The following BCAS1 variants were observed in gnomAD, a reference collection of about 807,000 sequenced individuals.
The protein encoded by BCAS1 is brain enriched myelin associated protein 1.
A neutral mutation model predicts 65.4 loss-of-function variants in BCAS1; 46 were observed. The observed-to-expected ratio is 0.70, with a 90% CI of 0.55 to 0.90. BCAS1 has a LOEUF of 0.90. Among genes scored for constraint, BCAS1 ranks in the 40% least tolerant of loss-of-function variants. BCAS1 has a pLI of 0.00. For missense variants in BCAS1, 793 were observed against 771.2 expected (o/e 1.03, Z -0.33); for synonymous variants, 298 against 293.5 (o/e 1.02, Z -0.16).
At chr20:54,003,348 T>C (rs566373541) in intron 4 of BCAS1, among the ~76,000 whole-genome samples, 1 of 152,336 alleles carries the variant, frequency 6.6e-6, no homozygotes, top group South Asian at 2.1e-4. Flanking sequence ...TTCTTTTTTC[T>C]ATGCCTTTGT....
At chr20:53,981,439 G>C (rs565633370) in intron 8 of BCAS1, among the ~76,000 whole-genome samples, 7 of 152,044 alleles carry the variant, frequency 4.6e-5, no homozygotes, top group African/African-American at 1.7e-4. Flanking sequence ...CTAAACAACC[G>C]TAGCATTTGT....
At chr20:54,049,209 CT>C (rs1168311540) in intron 3 of BCAS1, among the ~76,000 whole-genome samples, 3 of 152,030 alleles carry the variant, frequency 2.0e-5, no homozygotes, top group Non-Finnish European at 4.4e-5. Context: ...CCACTTACAT[CT>C]TTTTTTTAAG....
chr20:53,994,231 A>G (rs2090841899), intron 6 of BCAS1, among the ~76,000 whole-genome samples: 1 of 152,226 alleles, frequency 6.6e-6, no homozygotes, highest in Non-Finnish European at 1.5e-5. Context: ...AGGACCCAAG[A>G]CACTTATCTG....
intron 3 of BCAS1, among the ~76,000 whole-genome samples, chr20:54,057,019 CTGAT>C (rs1396766056): frequency 1.3e-5 from 2 of 152,192 alleles, no homozygotes; most frequent in East Asian, 3.9e-4. Flanking sequence ...AGCTAGCAAT[CTGAT>C]TGCAGAATTC....
At chr20:54,044,382 A>G (rs925542903) in intron 3 of BCAS1, among the ~76,000 whole-genome samples, 1 of 152,226 alleles carries the variant, frequency 6.6e-6, no homozygotes, top group African/African-American at 2.4e-5. Flanking sequence ...GGCAAAGAGA[A>G]AGTTGCATAT....
At chr20:54,025,296 G>A (rs1253979382) in intron 4 of BCAS1, among the ~76,000 whole-genome samples, 1 of 152,124 alleles carries the variant, frequency 6.6e-6, no homozygotes, top group Non-Finnish European at 1.5e-5. Flanking sequence ...TCTTTTAAAT[G>A]CATATCTTAC....
chr20:53,970,673 C>T (rs1027469081), intron 9 of BCAS1, among the ~76,000 whole-genome samples: 1 of 152,152 alleles, frequency 6.6e-6, no homozygotes, highest in African/African-American at 2.4e-5. Flanking sequence ...CTAACATTGA[C>T]AATATACATT....
In BCAS1 at chr20:54,038,045, A is replaced by C. The variant is rs148272991; in HGVS notation, c.143-9073T>G. Among the ~76,000 whole-genome samples the C allele has an allele frequency of 5.5e-3, 835 of 151,436 alleles. 18 individuals are homozygous for C. The highest frequency in any genetic ancestry group is 0.019 in the African/African-American group (805 of 41,462). On this transcript the variant is annotated intron_variant, in intron 3 of 12. Coordinates refer to ENST00000688948, the MANE Select transcript of BCAS1 (RefSeq NM_001366298.2). ...ATCCAAAGAAGGGCCTCACAAAATT[A>C]AAACAAAATCCAAACTCTCTACTAT... is the stretch of plus-strand genomic sequence containing the variant.
chr20:53,973,406 T>C (rs552217396), intron 9 of BCAS1, among the ~76,000 whole-genome samples: 73 of 152,354 alleles, frequency 4.8e-4, no homozygotes, highest in Admixed American at 1.4e-3. Flanking sequence ...TGTGTTATCG[T>C]TTGGTGTCGA....
intron 3 of BCAS1, among the ~76,000 whole-genome samples, chr20:54,054,929 GAC>G (rs2092273781): frequency 6.6e-6 from 1 of 152,052 alleles, no homozygotes. Context: ...ATGTATGTGA[GAC>G]ATACACATAT....
In BCAS1 at chr20:53,981,821, CGTGT is replaced by C. The variant is rs3831644; in HGVS notation, c.1275+3462_1275+3465del. Among the ~76,000 whole-genome samples, 25 of 150,244 alleles carry C rather than the reference CGTGT, an allele frequency of 1.7e-4. 1 individual carries two copies. Among genetic ancestry groups the C allele is most frequent in the Admixed American group, 5.3e-4 (8 of 15,048 alleles). On this transcript the variant is annotated intron_variant, in intron 8 of 12. Coordinates refer to ENST00000688948, the MANE Select transcript of BCAS1 (RefSeq NM_001366298.2). ...TATTAATTACAAATACATGTGCGTG[CGTGT>C]GTGTGTGTGTGTGTGTGTATCATGT...
At position 53,985,434 on chromosome 20, in the gene BCAS1, C is replaced by G. The variant is rs373205871; in HGVS notation, c.1128G>C (p.Gln376His). 6.2e-7 allele frequency: 1 copy of G among 1,613,918 alleles called. No individual in the cohort carries two copies. The highest frequency in any genetic ancestry group is 1.1e-5 in the South Asian group (1 of 91,062). Residue 376 changes from glutamine to histidine, a missense_variant, in exon 8 of 13, where the codon CAG (glutamine) becomes CAC (histidine). Coordinates refer to ENST00000688948, the MANE Select transcript of BCAS1 (RefSeq NM_001366298.2). ...AATTCTTGCCAGCCCCTTGGGTCTC[C>G]TGGGATGTAAAGTTGGCTTTGTCTG... Reference protein sequence around the residue: ...LKSDKANFTSQETQGAGKNSK... With the variant: ...LKSDKANFTSHETQGAGKNSK...
In BCAS1 at chr20:54,042,557, A is replaced by T. The variant is rs541434418; in HGVS notation, c.143-13585T>A. The stretch of plus-strand genomic sequence containing the variant: ...AATGGTGTCGGGAGGTTGAGGAGAC[A>T]ACTTATAAATAGACATGCCTGGGAT... On this transcript the variant is annotated intron_variant, in intron 3 of 12. Transcript: ENST00000688948. 3.2e-4 allele frequency among the ~76,000 whole-genome samples: 49 copies of T among 152,354 alleles called. No homozygotes were observed. The South Asian group carries it at 9.3e-3, about 29-fold the overall frequency.
intron 4 of BCAS1, among the ~76,000 whole-genome samples, chr20:54,008,020 C>G (rs940583177): frequency 2.6e-5 from 4 of 152,198 alleles, no homozygotes; most frequent in Admixed American, 6.5e-5. Context: ...GACATACTCA[C>G]AAATCCTTTC....
chr20:53,999,639 T>C (rs1204994405), intron 4 of BCAS1, among the ~76,000 whole-genome samples: 4 of 152,168 alleles, frequency 2.6e-5, no homozygotes, highest in African/African-American at 9.6e-5. Flanking sequence ...ACATGTCAAG[T>C]AGGCTGTTGC....
At chr20:54,018,047 T>A (rs1655087470) in intron 4 of BCAS1, among the ~76,000 whole-genome samples, 1 of 152,188 alleles carries the variant, frequency 6.6e-6, no homozygotes, top group South Asian at 2.1e-4. Context: ...GCTGCCAGAA[T>A]TAGGTTGCAG....
At chr20:54,031,827 C>T (rs1227552577) in intron 3 of BCAS1, among the ~76,000 whole-genome samples, 2 of 151,042 alleles carry the variant, frequency 1.3e-5, no homozygotes, top group Non-Finnish European at 3.0e-5. Flanking sequence ...CTTGTAAATA[C>T]ACAGCAATCA....
chr20:54,009,904 G>T (rs2091284155), intron 4 of BCAS1, among the ~76,000 whole-genome samples: 1 of 152,156 alleles, frequency 6.6e-6, no homozygotes, highest in South Asian at 2.1e-4. Flanking sequence ...TTTACTATAG[G>T]TTTGCAAGCT....
At chr20:53,973,817 GAGGA>G (rs1283738187) in intron 9 of BCAS1, among the ~76,000 whole-genome samples, 1 of 152,104 alleles carries the variant, frequency 6.6e-6, no homozygotes, top group Non-Finnish European at 1.5e-5. Context: ...AGGAAGGAAG[GAGGA>G]AGGAAGGAAG....
Sources: gnomAD v4.1 joint callset for allele counts (sites outside exome capture counted in the v4.1 genomes callset) on GRCh38, gnomAD v4.1.1 for gene constraint, MANE v1.5 for transcripts, NCBI Gene and HGNC (gene_info 2026-07-23, HGNC 2026-07-21) for gene names.